Variants in TSPAN18 observed in about 807,000 individuals in gnomAD.
TSPAN18 encodes the protein tetraspanin 18.
Under a neutral mutation model 27.3 loss-of-function variants are expected in TSPAN18, and 14 were observed. The observed-to-expected ratio is 0.51, with a 90% CI of 0.34 to 0.80. The LOEUF is 0.80. Ranked by LOEUF, TSPAN18 falls within the 30% of genes least tolerant of loss-of-function variation. The pLI is 0.01. For synonymous variants in TSPAN18, 143 were observed against 136.5 expected, an observed-to-expected ratio of 1.05 and a Z score of -0.33; for missense variants, 268 against 323.9, an observed-to-expected ratio of 0.83 and a Z score of 1.32.
chr11:44,865,266 T>G (rs1490365800), intron 3 of TSPAN18, among the ~76,000 whole-genome samples: 3 of 152,122 alleles, frequency 2.0e-5, no homozygotes, highest in Non-Finnish European at 4.4e-5. Flanking sequence ...TTATTGAGTC[T>G]CTCTCAAATT....
At chr11:44,788,251 G>A (rs1395287919) in intron 2 of TSPAN18, among the ~76,000 whole-genome samples, 2 of 152,130 alleles carry the variant, frequency 1.3e-5, no homozygotes, top group African/African-American at 4.8e-5. Flanking sequence ...CTCTTGGGCT[G>A]CACTGCTCAA....
intron 2 of TSPAN18, among the ~76,000 whole-genome samples, chr11:44,785,156 A>G (rs929223238): frequency 6.6e-6 from 1 of 152,182 alleles, no homozygotes; most frequent in African/African-American, 2.4e-5. Flanking sequence ...ATGCAAAAGG[A>G]TATTTACAAA....
At chr11:44,764,702 A>T (rs1001350815) in intron 2 of TSPAN18, among the ~76,000 whole-genome samples, 190 bp downstream of exon 2, 3 of 152,128 alleles carry the variant, frequency 2.0e-5, no homozygotes, top group Non-Finnish European at 4.4e-5. Context: ...ACATTTACTC[A>T]TGGGTGAGGG....
intron 4 of TSPAN18, among the ~76,000 whole-genome samples, chr11:44,908,409 G>C (rs1859536283): frequency 6.6e-6 from 1 of 152,048 alleles, no homozygotes; most frequent in Non-Finnish European, 1.5e-5. Flanking sequence ...TCCCACAACA[G>C]ATCTGCTTCT....
chr11:44,912,491 G>T (rs1164066163), intron 5 of TSPAN18, among the ~76,000 whole-genome samples: 1 of 152,064 alleles, frequency 6.6e-6, no homozygotes, highest in Admixed American at 6.6e-5. Flanking sequence ...GGCAAAGGAC[G>T]CTTGGATCAA....
intron 2 of TSPAN18, among the ~76,000 whole-genome samples, chr11:44,826,205 C>T (rs924858165): frequency 7.9e-5 from 12 of 152,106 alleles, no homozygotes; most frequent in African/African-American, 2.9e-4. Flanking sequence ...GGCGGATCAC[C>T]TGAGATTAGG....
At chr11:44,823,538 T>C (rs1856973125) in intron 2 of TSPAN18, among the ~76,000 whole-genome samples, 1 of 152,082 alleles carries the variant, frequency 6.6e-6, no homozygotes. Flanking sequence ...CACAACAGTG[T>C]AGAAAACCAA....
chr11:44,749,297 C>G (rs1343300074), intron 1 of TSPAN18, among the ~76,000 whole-genome samples: 1 of 152,218 alleles, frequency 6.6e-6, no homozygotes, highest in Non-Finnish European at 1.5e-5. Flanking sequence ...ACCTGTTGCT[C>G]AAGATTGCTG....
intron 2 of TSPAN18, among the ~76,000 whole-genome samples, chr11:44,797,591 C>T (rs1292905818): frequency 6.6e-6 from 1 of 152,160 alleles, no homozygotes; most frequent in Non-Finnish European, 1.5e-5. Context: ...AGCAAACACA[C>T]CTACAGTGAA....
intron 4 of TSPAN18, 109 bp downstream of exon 4, chr11:44,906,588 C>G (rs1274897182): frequency 9.5e-7 from 1 of 1,054,428 alleles, no homozygotes; most frequent in East Asian, 2.5e-5. Context: ...GGGGCCGGCG[C>G]TAGAGGCAGG....
At chr11:44,890,877 A>T (rs1858825759) in intron 3 of TSPAN18, among the ~76,000 whole-genome samples, 1 of 152,100 alleles carries the variant, frequency 6.6e-6, no homozygotes, top group African/African-American at 2.4e-5. Context: ...ATTTGCTTTT[A>T]AAAAAGTATT....
chr11:44,814,122 G>T (rs1052681486), intron 2 of TSPAN18, among the ~76,000 whole-genome samples: 3 of 152,182 alleles, frequency 2.0e-5, no homozygotes, highest in African/African-American at 7.2e-5. Context: ...TGGCATCTCT[G>T]CAGAGAACCA....
intron 3 of TSPAN18, among the ~76,000 whole-genome samples, chr11:44,896,337 T>C (rs79850397): frequency 0.11 from 16,047 of 152,140 alleles, 1,042 homozygotes; most frequent in African/African-American, 0.17. Flanking sequence ...CAGTGTGATG[T>C]TGGACAAGTC....
intron 1 of TSPAN18, chr11:44,736,721 G>A (rs554582150): frequency 6.6e-6 from 1 of 152,396 alleles, no homozygotes; most frequent in South Asian, 2.1e-4. Context: ...GAGGCAACCT[G>A]CTGTGGAGGG....
chr11:44,898,394 G>A (rs1483904822), intron 3 of TSPAN18, among the ~76,000 whole-genome samples: 2 of 152,210 alleles, frequency 1.3e-5, no homozygotes, highest in East Asian at 3.9e-4. Flanking sequence ...TGATATGCTG[G>A]TGATGTAAGT....
At chr11:44,858,414 A>G (rs1857792645) in intron 2 of TSPAN18, among the ~76,000 whole-genome samples, 1 of 152,230 alleles carries the variant, frequency 6.6e-6, no homozygotes, top group Non-Finnish European at 1.5e-5. Flanking sequence ...CAGGCTTCAA[A>G]GCTGGCCTGA....
At chr11:44,777,752 C>G (rs932675167) in intron 2 of TSPAN18, among the ~76,000 whole-genome samples, 12 of 152,200 alleles carry the variant, frequency 7.9e-5, no homozygotes, top group South Asian at 2.1e-4. Flanking sequence ...CACCTCCCCC[C>G]CTTTTCTTTC....
At chr11:44,765,719 T>A (rs1243814288) in intron 2 of TSPAN18, among the ~76,000 whole-genome samples, 1 of 152,234 alleles carries the variant, frequency 6.6e-6, no homozygotes, top group Non-Finnish European at 1.5e-5. Flanking sequence ...TTTTGCTTAC[T>A]TCAGTCTGTG....
Position 44,929,821 on chromosome 11 carries a change from C to G in TSPAN18, c.*643C>G, listed in dbSNP as rs1860499146. On this transcript the variant is annotated 3_prime_UTR_variant, in exon 10 of 10. Coordinates refer to ENST00000520358, the MANE Select transcript of TSPAN18 (RefSeq NM_130783.5). The stretch of plus-strand genomic sequence containing the variant: ...GCCCAGAGAGGACAGTGACCATCCA[C>G]AGACACACAGCACAGGCGTGACAGT... 6.5e-6 allele frequency: 1 copy of G among 152,828 alleles called. No individual in the cohort carries two copies. 9.5% of individuals were successfully genotyped at this position (152,828 alleles called of 1,614,324 possible).
Sources: gnomAD v4.1 joint callset for allele counts (sites outside exome capture counted in the v4.1 genomes callset) on GRCh38, gnomAD v4.1.1 for gene constraint, MANE v1.5 for transcripts, NCBI Gene and HGNC (gene_info 2026-07-23, HGNC 2026-07-21) for gene names.